Variants in ADARB2 observed in about 807,000 individuals in gnomAD.
The protein encoded by ADARB2 is adenosine deaminase RNA specific B2 (inactive), also known as inactive double-stranded RNA-specific editase B2.
Under a neutral mutation model 62.2 loss-of-function variants are expected in ADARB2, and 25 were observed. The ratio of observed to expected loss-of-function variants is 0.40; its 90% CI spans 0.29 to 0.56. The LOEUF (loss-of-function observed/expected upper bound fraction) is 0.56. Ranked by LOEUF, ADARB2 falls within the 20% of genes least tolerant of loss-of-function variation. The pLI is 0.43. For missense variants in ADARB2, 1,071 were observed against 1,077.4 expected (o/e 0.99, Z 0.08); for synonymous variants, 572 against 500.8 (o/e 1.14, Z -1.90).
In ADARB2 at chr10:1,630,747, GA is replaced by G. The variant is rs1374687151; in HGVS notation, c.100+106303del. ...CGAGGTGGGCAGATCATGAGGTCAAGAGATTGAGACCAGCCTGGTCAACATG... is the reference window on the plus strand; with the variant it reads ...CGAGGTGGGCAGATCATGAGGTCAAGGATTGAGACCAGCCTGGTCAACATG... On this transcript the variant is annotated intron_variant, in intron 1 of 9. Transcript: ENST00000381312. 2.0e-5 allele frequency among the ~76,000 whole-genome samples: 3 copies of G among 152,292 alleles called. No individual in the cohort carries two copies. The East Asian group carries it at 5.8e-4, about 29-fold the overall frequency.
intron 3 of ADARB2, among the ~76,000 whole-genome samples, chr10:1,317,043 T>C (rs1175198659): frequency 6.6e-6 from 1 of 152,234 alleles, no homozygotes; most frequent in Non-Finnish European, 1.5e-5. Context: ...GAAAAATCAT[T>C]TTTATGGGCA....
At chr10:1,694,837 G>T (rs568074097) in intron 1 of ADARB2, among the ~76,000 whole-genome samples, 2 of 152,270 alleles carry the variant, frequency 1.3e-5, no homozygotes, top group Admixed American at 1.3e-4. Flanking sequence ...TGGGAGTGGG[G>T]TCTTCATGAC....
At chr10:1,358,230 G>A (rs1832215577) in intron 3 of ADARB2, among the ~76,000 whole-genome samples, 1 of 152,226 alleles carries the variant, frequency 6.6e-6, no homozygotes, top group Non-Finnish European at 1.5e-5. Flanking sequence ...TGGGGACAGA[G>A]GATGAACCCC....
chr10:1,417,817 A>G lies in ADARB2; in HGVS notation c.101-38657T>C, dbSNP rs1056764129. Among the ~76,000 whole-genome samples, 4 of 152,348 alleles carry G rather than the reference A, an allele frequency of 2.6e-5. 1 individual carries two copies. Among genetic ancestry groups the G allele is most frequent in the African/African-American group, 4.8e-5 (2 of 41,574 alleles). On this transcript the variant is annotated intron_variant, in intron 1 of 9. Coordinates refer to ENST00000381312, the MANE Select transcript of ADARB2 (RefSeq NM_018702.4). ...GCTGCCCCTCCAGGGCTCACAGTAGATGCCTGCATGGCAAGTGGCAGCCAT... is the reference window on the plus strand; with the variant it reads ...GCTGCCCCTCCAGGGCTCACAGTAGGTGCCTGCATGGCAAGTGGCAGCCAT...
intron 1 of ADARB2, among the ~76,000 whole-genome samples, chr10:1,631,190 G>A (rs1206610169): frequency 6.6e-6 from 1 of 152,062 alleles, no homozygotes; most frequent in Non-Finnish European, 1.5e-5. Flanking sequence ...GTGGGGTCCC[G>A]ACGCCATCCA....
chr10:1,688,762 C>T lies in ADARB2; in HGVS notation c.100+48289G>A, dbSNP rs569377293. Among the ~76,000 whole-genome samples the T allele has an allele frequency of 5.8e-4, 89 of 152,308 alleles. 2 individuals are homozygous for T. The South Asian group carries it at 0.013, about 22-fold the overall frequency. On this transcript the variant is annotated intron_variant, in intron 1 of 9. Transcript: ENST00000381312. Reference sequence around the variant, plus strand: ...AGAGGGGAATGGTGACTTACGTTAGCGCTGACTCAACCCTGACCCTGTCTC... The same window carrying T: ...AGAGGGGAATGGTGACTTACGTTAGTGCTGACTCAACCCTGACCCTGTCTC...
At chr10:1,288,834 T>C (rs374277866) in intron 3 of ADARB2, among the ~76,000 whole-genome samples, 6 of 152,166 alleles carry the variant, frequency 3.9e-5, no homozygotes, top group African/African-American at 1.2e-4. Flanking sequence ...CGAGGCACTC[T>C]GACATGTGAC....
intron 1 of ADARB2, among the ~76,000 whole-genome samples, chr10:1,674,560 G>A (rs1232400958): frequency 3.9e-5 from 6 of 152,160 alleles, no homozygotes; most frequent in African/African-American, 1.2e-4. Flanking sequence ...TGCAGATATC[G>A]TTGGCCAAAA....
chr10:1,568,529 G>A (rs1832887682), intron 1 of ADARB2, among the ~76,000 whole-genome samples: 1 of 148,248 alleles, frequency 6.7e-6, no homozygotes, highest in African/African-American at 2.5e-5. Context: ...ATACCAAAAA[G>A]ATGAAAGAAG....
At chr10:1,634,255 T>C (rs1833887792) in intron 1 of ADARB2, among the ~76,000 whole-genome samples, 1 of 152,208 alleles carries the variant, frequency 6.6e-6, no homozygotes, top group African/African-American at 2.4e-5. Context: ...GTGAGAACAC[T>C]GGACATGGGC....
chr10:1,539,012 G>A (rs1024697841), intron 1 of ADARB2, among the ~76,000 whole-genome samples: 8 of 152,196 alleles, frequency 5.3e-5, no homozygotes, highest in African/African-American at 1.9e-4. Flanking sequence ...AGAGGGCAGA[G>A]ACCTGCCTGG....
In ADARB2 at chr10:1,599,639, A is replaced by G. The variant is rs191363402; in HGVS notation, c.100+137412T>C. Among the ~76,000 whole-genome samples, 3 of 152,384 alleles carry G rather than the reference A, an allele frequency of 2.0e-5. No homozygotes were observed. In the East Asian group the frequency reaches 5.8e-4, roughly 29 times the overall value. Reference sequence around the variant, plus strand: ...TCCCAGTTGGACTTTAAATCACAACAGAAAGACAGATTGTGAAGTGGGTCA... The same window carrying G: ...TCCCAGTTGGACTTTAAATCACAACGGAAAGACAGATTGTGAAGTGGGTCA... On this transcript the variant is annotated intron_variant, in intron 1 of 9. Coordinates refer to ENST00000381312, the MANE Select transcript of ADARB2 (RefSeq NM_018702.4).
chr10:1,691,550 G>A (rs1005677206), intron 1 of ADARB2, among the ~76,000 whole-genome samples: 3 of 152,174 alleles, frequency 2.0e-5, no homozygotes. Flanking sequence ...CACCTGTGAT[G>A]TTTAATGCTG....
intron 1 of ADARB2, among the ~76,000 whole-genome samples, chr10:1,393,929 T>G (rs1342276520): frequency 6.6e-6 from 1 of 152,210 alleles, no homozygotes; most frequent in African/African-American, 2.4e-5. Flanking sequence ...TCAGCCAAAT[T>G]TGCAAAGTTC....
At chr10:1,558,200 C>A (rs1832731906) in intron 1 of ADARB2, among the ~76,000 whole-genome samples, 2 of 152,070 alleles carry the variant, frequency 1.3e-5, no homozygotes, top group Non-Finnish European at 2.9e-5. Context: ...CCCGCGTGCC[C>A]CATCTAAATC....
At chr10:1,349,316 G>A (rs1448243235) in intron 3 of ADARB2, among the ~76,000 whole-genome samples, 11 of 151,018 alleles carry the variant, frequency 7.3e-5, no homozygotes, top group African/African-American at 9.8e-5. Context: ...ACCTCCCTTC[G>A]CTGACTCTCT....
At chr10:1,687,918 G>A (rs1254317928) in intron 1 of ADARB2, among the ~76,000 whole-genome samples, 1 of 152,152 alleles carries the variant, frequency 6.6e-6, no homozygotes, top group East Asian at 1.9e-4. Context: ...GTTCTAAACG[G>A]AGCAGTTGAA....
chr10:1,582,367 C>T (rs1833116007), intron 1 of ADARB2, among the ~76,000 whole-genome samples: 2 of 152,160 alleles, frequency 1.3e-5, no homozygotes, highest in South Asian at 2.1e-4. Flanking sequence ...CCAGCACTGA[C>T]CCACAGCTGG....
intron 4 of ADARB2, among the ~76,000 whole-genome samples, chr10:1,244,517 C>T (rs1422750144): frequency 5.3e-5 from 8 of 152,154 alleles, no homozygotes; most frequent in African/African-American, 1.4e-4. Context: ...TTCCCAGCTC[C>T]GTTTGGCTCC....
Sources: gnomAD v4.1 joint callset for allele counts (sites outside exome capture counted in the v4.1 genomes callset) on GRCh38, gnomAD v4.1.1 for gene constraint, MANE v1.5 for transcripts, NCBI Gene and HGNC (gene_info 2026-07-23, HGNC 2026-07-21) for gene names.